The following ADIPOQ variants were observed in gnomAD, a reference collection of about 807,000 sequenced individuals.
ADIPOQ encodes adiponectin.
In ADIPOQ, 19 loss-of-function variants were observed where a neutral mutation model predicts 16.1. The ratio of observed to expected loss-of-function variants is 1.18; its 90% CI spans 0.82 to 1.73. The LOEUF (loss-of-function observed/expected upper bound fraction) is 1.73. Among genes scored for constraint, ADIPOQ ranks in the 40% most tolerant of loss-of-function variants. ADIPOQ has a pLI of 0.00. For missense variants in ADIPOQ, 323 were observed against 308.3 expected, an observed-to-expected ratio of 1.05 and a Z score of -0.36; for synonymous variants, 124 against 125.5, an observed-to-expected ratio of 0.99 and a Z score of 0.08.
intron 1 of ADIPOQ, among the ~76,000 whole-genome samples, chr3:186,848,745 GATAA>G (rs1261265226): frequency 2.0e-5 from 3 of 152,156 alleles, no homozygotes; most frequent in Admixed American, 6.5e-5. Context: ...TCCATCTCCA[GATAA>G]ATAAATAAGT....
At chr3:186,847,117 G>A (rs1579204198) in intron 1 of ADIPOQ, among the ~76,000 whole-genome samples, 1 of 152,296 alleles carries the variant, frequency 6.6e-6, no homozygotes, top group East Asian at 1.9e-4. Context: ...GCACTGACAT[G>A]TGCCAGACAC....
intron 1 of ADIPOQ, among the ~76,000 whole-genome samples, chr3:186,844,927 C>A (rs951766909): frequency 6.6e-6 from 1 of 152,128 alleles, no homozygotes; most frequent in Non-Finnish European, 1.5e-5. Flanking sequence ...GAGGTGATGT[C>A]TTTTGGAGAG....
intron 1 of ADIPOQ, among the ~76,000 whole-genome samples, chr3:186,847,503 T>C (rs1240960442): frequency 2.0e-5 from 3 of 152,364 alleles, no homozygotes; most frequent in East Asian, 3.9e-4. Flanking sequence ...AAATTGATTA[T>C]GGTGAATCAG....
At position 186,854,605 on chromosome 3, in the gene ADIPOQ, G is replaced by T. The variant is rs776305199; in HGVS notation, c.636G>T (p.Trp212Cys). The change falls in exon 3 of 3, where the codon TGG becomes TGT. Residue 212 changes from tryptophan (W) to cysteine (C), a missense_variant. Physicochemically the swap from Trp to Cys is radical, Grantham distance 215. Coordinates refer to ENST00000320741, the MANE Select transcript of ADIPOQ (RefSeq NM_004797.4). ...ATCTGGAGGTGGGCGACCAAGTCTG[G>T]CTCCAGGTGTATGGGGAAGGAGAGC... ...LLHLEVGDQVWLQVYGEGERN... is the reference protein window; with the variant it reads ...LLHLEVGDQVCLQVYGEGERN... 1.4e-5 allele frequency: 23 copies of T among 1,613,958 alleles called. No homozygotes were observed. Among genetic ancestry groups the T allele is most frequent in the Non-Finnish European group, 1.9e-5 (22 of 1,179,978 alleles).
chr3:186,852,980 T>C (rs1711833707), intron 1 of ADIPOQ, 71 bp from the exon 2 acceptor site: 3 of 1,533,064 alleles, frequency 2.0e-6, no homozygotes, highest in East Asian at 2.2e-5. Flanking sequence ...ACGGAGTCCT[T>C]TGTAGGTCCC....
chr3:186,847,996 A>G (rs1339134887), intron 1 of ADIPOQ, among the ~76,000 whole-genome samples: 3 of 152,032 alleles, frequency 2.0e-5, no homozygotes. Context: ...ACATGGTGAA[A>G]TCCCATCTCT....
intron 1 of ADIPOQ, among the ~76,000 whole-genome samples, chr3:186,845,186 A>C (rs1169082788): frequency 6.6e-6 from 1 of 151,174 alleles, no homozygotes; most frequent in Non-Finnish European, 1.5e-5. Flanking sequence ...AGGTGTGTGT[A>C]TGGGTGCGGG....
intron 1 of ADIPOQ, among the ~76,000 whole-genome samples, chr3:186,842,974 TG>T: frequency 6.6e-6 from 1 of 152,218 alleles, no homozygotes; most frequent in East Asian, 1.9e-4. Context: ...CTAAGATGCA[TG>T]GAACCATTCT....
intron 1 of ADIPOQ, among the ~76,000 whole-genome samples, chr3:186,850,017 C>T (rs1202461261): frequency 6.6e-6 from 1 of 152,084 alleles, no homozygotes; most frequent in Non-Finnish European, 1.5e-5. Context: ...GCTTTTAATC[C>T]CAGGACTTTG....
rs1560109934 is a variant in ADIPOQ at position 186,854,346 on chromosome 3, C to T, written c.377C>T (p.Pro126Leu). Residue 126 changes from proline (P) to leucine (L), a missense_variant, in exon 3 of 3, where the codon CCC becomes CTC. Coordinates refer to ENST00000320741, the MANE Select transcript of ADIPOQ (RefSeq NM_004797.4). ...SVGLETYVTI[P>L]NMPIRFTKIF... ...GGATTGGAGACTTACGTTACTATCC[C>T]CAACATGCCCATTCGCTTTACCAAG... The T allele has an allele frequency of 1.2e-6, 2 of 1,614,176 alleles. No individual in the cohort carries two copies. The highest frequency in any genetic ancestry group is 8.5e-7 in the Non-Finnish European group (1 of 1,180,028).
rs1712001922 is a variant in ADIPOQ at position 186,856,342 on chromosome 3, TA to T, written c.*1644del. ...AGCATTCTCTATCAATATATAAATTTAAAAAACTATCTTTTTGCTTACAGTT... is the reference window on the plus strand; with the variant it reads ...AGCATTCTCTATCAATATATAAATTTAAAAACTATCTTTTTGCTTACAGTT... On this transcript the variant is annotated 3_prime_UTR_variant, in exon 3 of 3. Coordinates refer to ENST00000320741, the MANE Select transcript of ADIPOQ (RefSeq NM_004797.4). 1 of 152,262 alleles carries T rather than the reference TA, an allele frequency of 6.6e-6. No individual in the cohort carries two copies. Among genetic ancestry groups the T allele is most frequent in the Non-Finnish European group, 1.5e-5 (1 of 68,040 alleles). 9.4% of individuals were successfully genotyped at this position (152,262 alleles called of 1,614,324 possible).
chr3:186,851,496 A>G (rs1455197748), intron 1 of ADIPOQ, among the ~76,000 whole-genome samples: 1 of 151,938 alleles, frequency 6.6e-6, no homozygotes, highest in Non-Finnish European at 1.5e-5. Flanking sequence ...TGGGAGGGGG[A>G]TATCAAAGAA....
At chr3:186,847,246 C>T (rs1483393012) in intron 1 of ADIPOQ, among the ~76,000 whole-genome samples, 1 of 152,240 alleles carries the variant, frequency 6.6e-6, no homozygotes, top group Non-Finnish European at 1.5e-5. Flanking sequence ...AGAGCCCGTG[C>T]TCCCTATTCT....
chr3:186,843,206 C>T (rs1711502798), intron 1 of ADIPOQ, among the ~76,000 whole-genome samples: 1 of 152,172 alleles, frequency 6.6e-6, no homozygotes, highest in Non-Finnish European at 1.5e-5. Context: ...AATTAGGAAT[C>T]CAGCTCTGCC....
At chr3:186,849,270 A>G (rs530806576) in intron 1 of ADIPOQ, among the ~76,000 whole-genome samples, 3 of 152,346 alleles carry the variant, frequency 2.0e-5, no homozygotes, top group African/African-American at 7.2e-5. Context: ...GGAGAAAAAC[A>G]TGCATGGAGC....
chr3:186,854,798 G>T lies in ADIPOQ; in HGVS notation c.*94G>T. On this transcript the variant is annotated 3_prime_UTR_variant, in exon 3 of 3. Coordinates refer to ENST00000320741, the MANE Select transcript of ADIPOQ (RefSeq NM_004797.4). The stretch of plus-strand genomic sequence containing the variant: ...TAGGAAGTTGATTATTATTTAGTTG[G>T]AGGCCTTTAGATATTATTCATTCAT... The T allele has an allele frequency of 6.8e-7, 1 of 1,480,364 alleles. No individual in the cohort carries two copies. The highest frequency in any genetic ancestry group is 9.3e-7 in the Non-Finnish European group (1 of 1,070,124). 91.7% of individuals were successfully genotyped at this position (1,480,364 alleles called of 1,614,324 possible).
chr3:186,854,015 T>G, intron 2 of ADIPOQ, 169 bp from the exon 3 acceptor site: 3 of 646,292 alleles, frequency 4.6e-6, no homozygotes, highest in Non-Finnish European at 7.9e-6. Context: ...CTGTGGGAGA[T>G]ATAGAAGGAG....
chr3:186,847,938 G>A (rs1280848444), intron 1 of ADIPOQ, among the ~76,000 whole-genome samples: 4 of 152,140 alleles, frequency 2.6e-5, no homozygotes, highest in Non-Finnish European at 4.4e-5. Flanking sequence ...TTGGGAGGCC[G>A]AGGCGGGCGG....
intron 1 of ADIPOQ, among the ~76,000 whole-genome samples, chr3:186,847,291 C>T (rs1182757969): frequency 2.6e-5 from 4 of 152,124 alleles, no homozygotes; most frequent in Non-Finnish European, 5.9e-5. Flanking sequence ...TTGTGAGAAT[C>T]GAATGAGACA....
Sources: allele counts gnomAD v4.1 joint callset (sites outside exome capture counted in the v4.1 genomes callset), GRCh38; gene constraint gnomAD v4.1.1; transcripts MANE v1.5; gene names NCBI Gene and HGNC (gene_info 2026-07-23, HGNC 2026-07-21).